The following CLCN3 variants were observed in gnomAD, a reference collection of about 807,000 sequenced individuals.
The protein encoded by CLCN3 is H(+)/Cl(-) exchange transporter 3.
CLCN3 carries 16 observed loss-of-function variants against 83.4 expected under a neutral mutation model. The ratio of observed to expected loss-of-function variants is 0.19; its 90% CI spans 0.13 to 0.29. The LOEUF is 0.29. Ranked by LOEUF, CLCN3 falls within the 10% of genes least tolerant of loss-of-function variation. The pLI, the probability that CLCN3 is intolerant of heterozygous loss-of-function variation, is 1.00. For synonymous variants in CLCN3, 322 were observed against 346.2 expected (o/e 0.93, Z 0.78); for missense variants, 544 against 1,006.0 (o/e 0.54, Z 6.21).
At chr4:169,692,395 G>T in intron 7 of CLCN3, 75 bp downstream of exon 7, 1 of 648,986 alleles carries the variant, frequency 1.5e-6, no homozygotes, top group Non-Finnish European at 2.3e-6. Flanking sequence ...GAATTTCTTA[G>T]TGTAAAAATA....
rs1376866330 is a variant in CLCN3, at chr4:169,689,158, A to G, written c.534A>G (p.Glu178=). 3 of 1,613,930 alleles carry G rather than the reference A, an allele frequency of 1.9e-6. No homozygotes were observed. Among genetic ancestry groups the G allele is most frequent in the Admixed American group, 3.3e-5 (2 of 59,982 alleles). The stretch of plus-strand genomic sequence containing the variant: ...AACAGTGCTGTTGGGGATCTAATGA[A>G]ACAACATTTGAAGAGAGGGATAAAT... ...NHEQCCWGSN[E]TTFEERDKCP... is the part of the protein sequence containing the mutation. Residue 178 remains glutamate, a synonymous_variant, in exon 5 of 13, where the codon GAA becomes GAG. Coordinates refer to ENST00000513761, the MANE Select transcript of CLCN3 (RefSeq NM_001829.4).
chr4:169,688,977 C>T, intron 4 of CLCN3, 66 bp from the exon 5 acceptor site: 1 of 1,399,794 alleles, frequency 7.1e-7, no homozygotes, highest in East Asian at 2.3e-5. Flanking sequence ...TGCCTTTTAA[C>T]TAGATTGTTC....
chr4:169,646,792 A>G (rs570233396), intron 2 of CLCN3, among the ~76,000 whole-genome samples: 1 of 152,338 alleles, frequency 6.6e-6, no homozygotes, highest in South Asian at 2.1e-4. Flanking sequence ...AGAAAACCAC[A>G]GAGGAAAATG....
chr4:169,625,378 C>A (rs924089518), intron 1 of CLCN3, among the ~76,000 whole-genome samples: 1 of 152,124 alleles, frequency 6.6e-6, no homozygotes, highest in African/African-American at 2.4e-5. Context: ...ATGGGAGAGA[C>A]AAAACTTTGT....
intron 12 of CLCN3, among the ~76,000 whole-genome samples, chr4:169,715,162 A>G (rs1170619454): frequency 6.6e-6 from 1 of 152,124 alleles, no homozygotes; most frequent in East Asian, 1.9e-4. Flanking sequence ...TTAGGGATTA[A>G]TTTTCATATT....
chr4:169,632,716 CAAAAAAAA>C (rs559919032), intron 1 of CLCN3, among the ~76,000 whole-genome samples: 2 of 32,280 alleles, frequency 6.2e-5, no homozygotes, highest in African/African-American at 1.2e-4. Context: ...GACTCCATCT[CAAAAAAAA>C]AAAAAAAAAA....
At chr4:169,705,429 T>C (rs780669641) in intron 10 of CLCN3, among the ~76,000 whole-genome samples, 4 of 152,226 alleles carry the variant, frequency 2.6e-5, no homozygotes, top group Non-Finnish European at 1.5e-5. Flanking sequence ...GTCCTGGCTT[T>C]GCCATTTTTA....
At chr4:169,717,098 G>T (rs542417211) in intron 12 of CLCN3, among the ~76,000 whole-genome samples, 1 of 152,092 alleles carries the variant, frequency 6.6e-6, no homozygotes, top group African/African-American at 2.4e-5. Context: ...TGCTTGATGT[G>T]ATAACAGTGA....
chr4:169,627,255 G>A (rs941604603), intron 1 of CLCN3, among the ~76,000 whole-genome samples: 34 of 152,168 alleles, frequency 2.2e-4, no homozygotes, highest in Non-Finnish European at 2.2e-4. Flanking sequence ...TTATGCTGTT[G>A]CGCATACTTT....
At chr4:169,699,875 C>A (rs780572079) in intron 9 of CLCN3, among the ~76,000 whole-genome samples, 1 of 152,098 alleles carries the variant, frequency 6.6e-6, no homozygotes, top group African/African-American at 2.4e-5. Flanking sequence ...GGGCAAGACA[C>A]TGTCTCAAAA....
chr4:169,689,216 A>G lies in CLCN3; in HGVS notation c.592A>G (p.Ile198Val), dbSNP rs762010145. ...PQWKTWAELI[I>V]GQAEGPGSYI... ...GTGGAAAACATGGGCAGAATTAATC[A>G]TAGGTCAAGCAGAGGTAAGTCTTGC... is the stretch of plus-strand genomic sequence containing the variant. The change falls in exon 5 of 13, where the codon ATA becomes GTA. Residue 198 changes from isoleucine to valine, a missense_variant. By Grantham distance (29) the Ile-to-Val change is conservative. Coordinates refer to ENST00000513761, the MANE Select transcript of CLCN3 (RefSeq NM_001829.4). 2 of 1,613,078 alleles carry G rather than the reference A, an allele frequency of 1.2e-6. No individual in the cohort carries two copies. The highest frequency in any genetic ancestry group is 1.7e-6 in the Non-Finnish European group (2 of 1,179,522).
chr4:169,675,149 C>T (rs966041981), intron 2 of CLCN3, among the ~76,000 whole-genome samples: 3 of 152,186 alleles, frequency 2.0e-5, no homozygotes, highest in African/African-American at 7.2e-5. Flanking sequence ...AAAATATTAG[C>T]GCCTTCTATA....
intron 2 of CLCN3, among the ~76,000 whole-genome samples, chr4:169,648,134 T>C (rs961368299): frequency 6.6e-6 from 1 of 152,306 alleles, no homozygotes; most frequent in Non-Finnish European, 1.5e-5. Context: ...CTAAATGCAA[T>C]GTGGATCCTG....
intron 3 of CLCN3, 132 bp downstream of exon 3, chr4:169,680,339 G>A: frequency 1.6e-6 from 1 of 629,954 alleles, no homozygotes; most frequent in East Asian, 3.0e-5. Flanking sequence ...TTTCATATGT[G>A]GTACATGTTT....
chr4:169,704,271 G>A, intron 10 of CLCN3, 87 bp downstream of exon 10: 2 of 1,294,786 alleles, frequency 1.5e-6, no homozygotes, highest in Non-Finnish European at 1.1e-6. Flanking sequence ...CTTAATTGGT[G>A]GGCGGATTGG....
chr4:169,690,445 G>A (rs749835440), intron 5 of CLCN3, 85 bp from the exon 6 acceptor site: 182 of 1,404,954 alleles, frequency 1.3e-4, no homozygotes, highest in Admixed American at 2.3e-4. Context: ...ATGCCTGGCC[G>A]TTTACTGAAG....
At chr4:169,665,314 C>T (rs1053524741) in intron 2 of CLCN3, among the ~76,000 whole-genome samples, 2 of 152,138 alleles carry the variant, frequency 1.3e-5, no homozygotes, top group Admixed American at 6.6e-5. Flanking sequence ...CTTTGGTAAA[C>T]TTCTTTGAGA....
intron 11 of CLCN3, among the ~76,000 whole-genome samples, chr4:169,711,671 T>A (rs1487464120): frequency 6.6e-6 from 1 of 152,028 alleles, no homozygotes; most frequent in African/African-American, 2.4e-5. Flanking sequence ...TTAAGGTGGT[T>A]GAGTAAGTAC....
At chr4:169,647,010 A>T (rs1387459101) in intron 2 of CLCN3, among the ~76,000 whole-genome samples, 1 of 152,176 alleles carries the variant, frequency 6.6e-6, no homozygotes, top group Non-Finnish European at 1.5e-5. Context: ...CCCAAAGTTT[A>T]AACTTACTTA....
Sources: allele counts gnomAD v4.1 joint callset (sites outside exome capture counted in the v4.1 genomes callset), GRCh38; gene constraint gnomAD v4.1.1; transcripts MANE v1.5; gene names NCBI Gene and HGNC (gene_info 2026-07-23, HGNC 2026-07-21).